The following SLC24A2 variants were observed in gnomAD, a reference collection of about 807,000 sequenced individuals.
SLC24A2 encodes the protein solute carrier family 24 member 2, also known as sodium/potassium/calcium exchanger 2.
A neutral mutation model predicts 62.0 loss-of-function variants in SLC24A2; 36 were observed. The ratio of observed to expected loss-of-function variants is 0.58; its 90% CI spans 0.44 to 0.77. The LOEUF (loss-of-function observed/expected upper bound fraction) is 0.77. SLC24A2 is among the 30% of genes least tolerant of loss of function. The pLI is 0.00. For missense variants in SLC24A2, 846 were observed against 817.9 expected, an observed-to-expected ratio of 1.03 and a Z score of -0.42; for synonymous variants, 358 against 294.0, an observed-to-expected ratio of 1.22 and a Z score of -2.23.
the SLC24A2 span, among the ~76,000 whole-genome samples, chr9:19,995,204 T>C: frequency 6.6e-6 from 1 of 152,136 alleles, no homozygotes; most frequent in Non-Finnish European, 1.5e-5. Context: ...TCTTTCTTCT[T>C]TCACGCGTAT....
the SLC24A2 span, among the ~76,000 whole-genome samples, chr9:20,148,194 T>G: frequency 1.6e-4 from 25 of 152,040 alleles, no homozygotes; most frequent in Admixed American, 5.9e-4. Context: ...CCACTTAATT[T>G]TTAATGAGAT....
chr9:19,634,685 G>C (rs1818268424), intron 2 of SLC24A2, among the ~76,000 whole-genome samples: 1 of 152,170 alleles, frequency 6.6e-6, no homozygotes. Flanking sequence ...CACCCTCTAT[G>C]TGGGACAGAA....
chr9:20,243,105 G>C, the SLC24A2 span, among the ~76,000 whole-genome samples: 2 of 152,134 alleles, frequency 1.3e-5, no homozygotes, highest in Non-Finnish European at 2.9e-5. Context: ...GGTTACAGAC[G>C]AAAGGACTCC....
At chr9:19,809,644 G>T in the SLC24A2 span, among the ~76,000 whole-genome samples, 204 of 152,194 alleles carry the variant, frequency 1.3e-3, no homozygotes, top group Non-Finnish European at 2.4e-3. Flanking sequence ...GTACAGTAAG[G>T]AGCGGACAGG....
chr9:19,919,869 C>T, the SLC24A2 span, among the ~76,000 whole-genome samples: 1 of 152,144 alleles, frequency 6.6e-6, no homozygotes, highest in East Asian at 1.9e-4. Flanking sequence ...CAATTACCTC[C>T]CACCGGGTCC....
chr9:20,001,284 G>C, the SLC24A2 span, among the ~76,000 whole-genome samples: 23 of 152,326 alleles, frequency 1.5e-4, no homozygotes, highest in Non-Finnish European at 3.1e-4. Context: ...CCTGTGGAGA[G>C]TGCTCTGCAT....
chr9:19,977,111 A>G, the SLC24A2 span, among the ~76,000 whole-genome samples: 2 of 85,642 alleles, frequency 2.3e-5, no homozygotes, highest in Non-Finnish European at 5.0e-5. Context: ...ACATTTCTAT[A>G]TTTGTGTGTG....
intron 4 of SLC24A2, among the ~76,000 whole-genome samples, chr9:19,606,355 A>T (rs1836983692): frequency 6.6e-6 from 1 of 152,256 alleles, no homozygotes; most frequent in Non-Finnish European, 1.5e-5. Context: ...GCCTTAGAGT[A>T]GAAAGCAAAG....
chr9:19,702,081 G>A (rs567136549), intron 2 of SLC24A2, among the ~76,000 whole-genome samples: 38 of 152,278 alleles, frequency 2.5e-4, no homozygotes, highest in African/African-American at 8.9e-4. Context: ...ATTTCTTCAT[G>A]TAAAGACAGA....
rs1832893054 is a variant in SLC24A2 at position 19,515,690 on chromosome 9, G to T, written c.*463C>A. On this transcript the variant is annotated 3_prime_UTR_variant, in exon 11 of 11. Coordinates refer to ENST00000341998, the MANE Select transcript of SLC24A2 (RefSeq NM_020344.4). ...TGCATTTGTACTTTTATATATATCT[G>T]ATTTTATATATATATATATAATTTT... is the stretch of plus-strand genomic sequence containing the variant. 6.6e-6 allele frequency: 1 copy of T among 151,234 alleles called. No individual in the cohort carries two copies. Among genetic ancestry groups the T allele is most frequent in the Non-Finnish European group, 1.5e-5 (1 of 67,994 alleles). The allele number at this position is 151,234 out of a possible 1,614,324, so 9.4% of individuals were successfully genotyped here.
chr9:19,612,288 G>C (rs1161114117), intron 4 of SLC24A2, among the ~76,000 whole-genome samples: 1 of 152,066 alleles, frequency 6.6e-6, no homozygotes, highest in East Asian at 1.9e-4. Context: ...TCTCTGCCAG[G>C]CCTTGTTGTA....
At chr9:20,004,327 A>T in the SLC24A2 span, among the ~76,000 whole-genome samples, 1 of 151,952 alleles carries the variant, frequency 6.6e-6, no homozygotes, top group Admixed American at 6.5e-5. Context: ...AGCTGGGCCT[A>T]TGACCACTCT....
chr9:20,273,127 T>C, the SLC24A2 span, among the ~76,000 whole-genome samples: 2 of 152,184 alleles, frequency 1.3e-5, no homozygotes, highest in East Asian at 1.9e-4. Flanking sequence ...AAAACCATGA[T>C]GCTTGTCCCT....
chr9:19,644,740 A>G (rs1167079381), intron 2 of SLC24A2, among the ~76,000 whole-genome samples: 4 of 152,096 alleles, frequency 2.6e-5, no homozygotes, highest in Non-Finnish European at 2.9e-5. Context: ...TTTTTTTTTA[A>G]AAACATGACA....
intron 5 of SLC24A2, among the ~76,000 whole-genome samples, chr9:19,593,908 A>G (rs937218406): frequency 2.6e-5 from 4 of 152,154 alleles, no homozygotes; most frequent in Non-Finnish European, 4.4e-5. Context: ...TCAATAAAAT[A>G]CACTTTTATG....
intron 4 of SLC24A2, among the ~76,000 whole-genome samples, chr9:19,616,588 G>C (rs1817773100): frequency 6.6e-6 from 1 of 152,154 alleles, no homozygotes; most frequent in African/African-American, 2.4e-5. Flanking sequence ...TCAATATCAG[G>C]TCAATATCAT....
At chr9:19,861,251 C>T in the SLC24A2 span, among the ~76,000 whole-genome samples, 1 of 152,136 alleles carries the variant, frequency 6.6e-6, no homozygotes, top group Non-Finnish European at 1.5e-5. Context: ...AAAGAGATTC[C>T]ATTTGTTTGG....
chr9:19,650,822 A>ATT (rs1175866515), intron 2 of SLC24A2, among the ~76,000 whole-genome samples: 1 of 149,084 alleles, frequency 6.7e-6, no homozygotes, highest in Non-Finnish European at 1.5e-5. Context: ...ATCAGCTTCT[A>ATT]GTGTGTGTGT....
chr9:20,100,592 CCAGTATCTAACA>C, the SLC24A2 span, among the ~76,000 whole-genome samples: 1 of 152,160 alleles, frequency 6.6e-6, no homozygotes, highest in Non-Finnish European at 1.5e-5. Flanking sequence ...TACTCTATTT[CCAGTATCTAACA>C]CAGTGTCTGA....
Sources: allele counts gnomAD v4.1 joint callset (sites outside exome capture counted in the v4.1 genomes callset), GRCh38; gene constraint gnomAD v4.1.1; transcripts MANE v1.5; gene names NCBI Gene and HGNC (gene_info 2026-07-23, HGNC 2026-07-21).